The following CDH18 variants were observed in gnomAD, a reference collection of about 807,000 sequenced individuals.
The protein encoded by CDH18 is cadherin-18.
A neutral mutation model predicts 67.9 loss-of-function variants in CDH18; 31 were observed. The ratio of observed to expected loss-of-function variants is 0.46; its 90% CI spans 0.34 to 0.62. CDH18 has a LOEUF of 0.62. CDH18 is among the 20% of genes least tolerant of loss of function. The pLI, the probability that CDH18 is intolerant of heterozygous loss-of-function variation, is 0.01. For missense variants in CDH18, 890 were observed against 975.5 expected (o/e 0.91, Z 1.17); for synonymous variants, 362 against 347.2 (o/e 1.04, Z -0.48).
chr5:19,705,860 A>T (rs990482315), intron 5 of CDH18, among the ~76,000 whole-genome samples: 2 of 152,200 alleles, frequency 1.3e-5, no homozygotes, highest in African/African-American at 4.8e-5. Context: ...ATTCTTGATA[A>T]CCATTTTCCT....
At chr5:20,272,214 A>G (rs1745488593) in intron 1 of CDH18, among the ~76,000 whole-genome samples, 1 of 152,144 alleles carries the variant, frequency 6.6e-6, no homozygotes, top group Non-Finnish European at 1.5e-5. Flanking sequence ...CTGAATAGAA[A>G]GAGTCACAGA....
intron 1 of CDH18, among the ~76,000 whole-genome samples, chr5:20,391,875 T>C (rs552979699): frequency 1.3e-5 from 2 of 152,100 alleles, no homozygotes; most frequent in South Asian, 4.1e-4. Context: ...TGATTATTTT[T>C]TGAAGCTTTA....
chr5:20,541,459 C>A (rs1757044761), intron 1 of CDH18, among the ~76,000 whole-genome samples: 1 of 151,868 alleles, frequency 6.6e-6, no homozygotes, highest in Non-Finnish European at 1.5e-5. Flanking sequence ...ACCTTTTATA[C>A]AATGAAGTTG....
chr5:20,254,771 C>A (rs978716840), intron 2 of CDH18, among the ~76,000 whole-genome samples: 1 of 152,056 alleles, frequency 6.6e-6, no homozygotes, highest in Non-Finnish European at 1.5e-5. Context: ...TGTGTATATA[C>A]CCAAAGGAAA....
intron 2 of CDH18, among the ~76,000 whole-genome samples, chr5:20,079,992 C>T (rs2150540021): frequency 6.6e-6 from 1 of 152,250 alleles, no homozygotes; most frequent in Non-Finnish European, 1.5e-5. Context: ...GTCTCATGAA[C>T]TCATCACATT....
At chr5:20,267,897 C>A (rs1745158114) in intron 1 of CDH18, among the ~76,000 whole-genome samples, 1 of 152,096 alleles carries the variant, frequency 6.6e-6, no homozygotes, top group African/African-American at 2.4e-5. Flanking sequence ...GGTTGCATCA[C>A]CCAGGTAGTG....
intron 7 of CDH18, among the ~76,000 whole-genome samples, chr5:19,575,701 A>C (rs771069870): frequency 6.6e-6 from 1 of 152,142 alleles, no homozygotes; most frequent in Non-Finnish European, 1.5e-5. Context: ...GGGATGACAT[A>C]ACAAATTGCC....
At chr5:20,499,775 C>T (rs998989822) in intron 1 of CDH18, among the ~76,000 whole-genome samples, 1 of 152,118 alleles carries the variant, frequency 6.6e-6, no homozygotes, top group African/African-American at 2.4e-5. Flanking sequence ...TTATCTTATG[C>T]ATATAGCAAA....
At chr5:19,898,090 C>G (rs1031752819) in intron 2 of CDH18, among the ~76,000 whole-genome samples, 1 of 152,014 alleles carries the variant, frequency 6.6e-6, no homozygotes, top group Non-Finnish European at 1.5e-5. Context: ...GTTCCAGAAA[C>G]TATACTAAAG....
intron 9 of CDH18, among the ~76,000 whole-genome samples, chr5:19,536,575 G>C (rs1255641095): frequency 2.0e-5 from 3 of 152,284 alleles, no homozygotes; most frequent in Admixed American, 6.5e-5. Context: ...TTTGTCATAG[G>C]ATTGGAACTA....
chr5:19,958,183 T>C (rs1192505385), intron 2 of CDH18, among the ~76,000 whole-genome samples: 1 of 151,520 alleles, frequency 6.6e-6, no homozygotes, highest in Non-Finnish European at 1.5e-5. Flanking sequence ...ATGTTGATAA[T>C]GGTAGAGCTT....
At chr5:19,973,386 T>A (rs768886933) in intron 2 of CDH18, among the ~76,000 whole-genome samples, 10 of 152,138 alleles carry the variant, frequency 6.6e-5, no homozygotes, top group Non-Finnish European at 1.2e-4. Flanking sequence ...TGGTATTCAC[T>A]TGTGTCCTAT....
intron 1 of CDH18, among the ~76,000 whole-genome samples, chr5:20,418,045 A>G (rs1370156928): frequency 6.6e-6 from 1 of 151,962 alleles, no homozygotes; most frequent in African/African-American, 2.4e-5. Context: ...CCACAGATAA[A>G]GAGACTAGTG....
At chr5:20,070,608 G>A (rs1457924256) in intron 2 of CDH18, among the ~76,000 whole-genome samples, 2 of 152,152 alleles carry the variant, frequency 1.3e-5, no homozygotes, top group East Asian at 3.9e-4. Flanking sequence ...GAAGGAGAGG[G>A]AGAAGTAAAG....
At chr5:19,643,334 T>A (rs62351292) in intron 5 of CDH18, among the ~76,000 whole-genome samples, 8,760 of 152,232 alleles carry the variant, frequency 0.058, 286 homozygotes, top group Non-Finnish European at 0.074. Flanking sequence ...CAGTTCTGGA[T>A]AAATCCAATG....
intron 2 of CDH18, among the ~76,000 whole-genome samples, chr5:20,194,252 C>A (rs1738781456): frequency 6.6e-6 from 1 of 152,082 alleles, no homozygotes; most frequent in Admixed American, 6.6e-5. Flanking sequence ...TTGTGATAAG[C>A]AACTTCAGCA....
At chr5:20,055,478 G>A (rs923837850) in intron 2 of CDH18, among the ~76,000 whole-genome samples, 2 of 152,202 alleles carry the variant, frequency 1.3e-5, no homozygotes, top group African/African-American at 4.8e-5. Flanking sequence ...AGTGAGATGA[G>A]TTCTGCAAAG....
At chr5:19,949,323 G>C (rs1409508084) in intron 2 of CDH18, among the ~76,000 whole-genome samples, 1 of 152,058 alleles carries the variant, frequency 6.6e-6, no homozygotes. Flanking sequence ...CTAGGTATAA[G>C]ACAGATTAGG....
At chr5:20,249,965 A>G (rs998601401) in intron 2 of CDH18, among the ~76,000 whole-genome samples, 1 of 152,154 alleles carries the variant, frequency 6.6e-6, no homozygotes, top group Non-Finnish European at 1.5e-5. Flanking sequence ...GATGAAAATT[A>G]CAAACATGAC....
Sources: allele counts gnomAD v4.1 joint callset (sites outside exome capture counted in the v4.1 genomes callset), GRCh38; gene constraint gnomAD v4.1.1; transcripts MANE v1.5; gene names NCBI Gene and HGNC (gene_info 2026-07-23, HGNC 2026-07-21).